Variants in KCNH7 observed in about 807,000 individuals in gnomAD.
The protein encoded by KCNH7 is potassium voltage-gated channel subfamily H member 7, also known as voltage-gated inwardly rectifying potassium channel KCNH7.
KCNH7 carries 49 observed loss-of-function variants against 120.8 expected under a neutral mutation model. That is an observed-to-expected ratio of 0.41 (90% CI 0.32 to 0.51). The LOEUF is 0.51. Ranked by LOEUF, KCNH7 falls within the 20% of genes least tolerant of loss-of-function variation. The pLI is 0.38. For synonymous variants in KCNH7, 547 were observed against 516.1 expected (o/e 1.06, Z -0.81); for missense variants, 1,097 against 1,446.6 (o/e 0.76, Z 3.92).
chr2:162,396,490 C>G (rs551486718), intron 11 of KCNH7, among the ~76,000 whole-genome samples: 1 of 151,724 alleles, frequency 6.6e-6, no homozygotes, highest in African/African-American at 2.4e-5. Flanking sequence ...AAGTGTGGCA[C>G]CTAAGGGCTT....
At chr2:162,712,996 A>G (rs1448298554) in intron 2 of KCNH7, among the ~76,000 whole-genome samples, 1 of 152,150 alleles carries the variant, frequency 6.6e-6, no homozygotes, top group East Asian at 1.9e-4. Context: ...GAGTTCAAAT[A>G]ACTGATTCAG....
chr2:162,707,518 T>C (rs975215311), intron 2 of KCNH7, among the ~76,000 whole-genome samples: 1 of 152,242 alleles, frequency 6.6e-6, no homozygotes, highest in South Asian at 2.1e-4. Flanking sequence ...ATTTGTATAA[T>C]TTAATTATGT....
intron 2 of KCNH7, among the ~76,000 whole-genome samples, chr2:162,656,308 T>C (rs938036100): frequency 2.0e-5 from 3 of 152,158 alleles, no homozygotes; most frequent in Non-Finnish European, 4.4e-5. Flanking sequence ...ACTATATAGA[T>C]CATAAAGTCT....
At chr2:162,821,308 T>C (rs1685113907) in intron 2 of KCNH7, among the ~76,000 whole-genome samples, 1 of 152,230 alleles carries the variant, frequency 6.6e-6, no homozygotes, top group South Asian at 2.1e-4. Flanking sequence ...GTTAATTCTC[T>C]TTACTAAGAA....
At chr2:162,699,590 T>C (rs1208808485) in intron 2 of KCNH7, among the ~76,000 whole-genome samples, 5 of 152,328 alleles carry the variant, frequency 3.3e-5, no homozygotes, top group Admixed American at 3.3e-4. Flanking sequence ...TTACTTCATA[T>C]TGAGCTTCTT....
At chr2:162,570,210 G>T (rs938258139) in intron 2 of KCNH7, among the ~76,000 whole-genome samples, 15 of 149,110 alleles carry the variant, frequency 1.0e-4, no homozygotes, top group African/African-American at 3.7e-4. Context: ...GAATCTAGGT[G>T]CTCCTGTATT....
chr2:162,490,045 G>T (rs749735647), intron 6 of KCNH7, among the ~76,000 whole-genome samples: 1 of 152,218 alleles, frequency 6.6e-6, no homozygotes, highest in African/African-American at 2.4e-5. Flanking sequence ...AGGAGAACAC[G>T]TTAATCATAC....
rs548007570 is a variant in KCNH7 at position 162,775,187 on chromosome 2, T to A, written c.307+61350A>T. ...AGGGAATATTATCTTTTCAAAAAAA[T>A]GAACTAGTTTAGTAAAAAAAAATTA... On this transcript the variant is annotated intron_variant, in intron 2 of 15. Transcript: ENST00000332142. 2.0e-5 allele frequency among the ~76,000 whole-genome samples: 3 copies of A among 152,264 alleles called. No homozygotes were observed. The East Asian group carries it at 5.8e-4, about 29-fold the overall frequency.
At chr2:162,386,598 C>T (rs6708255) in intron 12 of KCNH7, among the ~76,000 whole-genome samples, 12,844 of 151,782 alleles carry the variant, frequency 0.085, 1,761 homozygotes, top group African/African-American at 0.29. Context: ...CCTATTTTCT[C>T]GAAAATGATT....
intron 2 of KCNH7, among the ~76,000 whole-genome samples, chr2:162,603,530 T>G (rs1003612414): frequency 6.6e-6 from 1 of 152,048 alleles, no homozygotes; most frequent in Non-Finnish European, 1.5e-5. Flanking sequence ...TCAAGAAATA[T>G]AACAGAACAG....
rs984545711 is a variant in KCNH7, at chr2:162,445,444, G to T, written c.1554+574C>A. On this transcript the variant is annotated intron_variant, in intron 7 of 15. Coordinates refer to ENST00000332142, the MANE Select transcript of KCNH7 (RefSeq NM_033272.4). Reference sequence around the variant, plus strand: ...TTTGGATCAAAGAGTCTTTTGAGGAGCTGATTAAAGTTCTGGACTCTCTAT... The same window carrying T: ...TTTGGATCAAAGAGTCTTTTGAGGATCTGATTAAAGTTCTGGACTCTCTAT... 6.6e-5 allele frequency among the ~76,000 whole-genome samples: 10 copies of T among 151,854 alleles called. No individual in the cohort carries two copies. The South Asian group carries it at 1.4e-3, about 22-fold the overall frequency.
At chr2:162,806,090 C>G (rs557290224) in intron 2 of KCNH7, among the ~76,000 whole-genome samples, 1 of 151,716 alleles carries the variant, frequency 6.6e-6, no homozygotes, top group Admixed American at 6.6e-5. Flanking sequence ...GGAGGGGGCA[C>G]GGTGGGAGGG....
chr2:162,817,089 C>T (rs1684941174), intron 2 of KCNH7, among the ~76,000 whole-genome samples: 1 of 152,106 alleles, frequency 6.6e-6, no homozygotes, highest in South Asian at 2.1e-4. Flanking sequence ...TGAAAGTTCA[C>T]AGACAGTGAA....
chr2:162,650,788 A>G lies in KCNH7; in HGVS notation c.308-113708T>C, dbSNP rs150830638. Reference sequence around the variant, plus strand: ...AAGGGTTGTGTATGCTTTTGTACTCATTCTCCCATATAATATCTGATACGT... The same window carrying G: ...AAGGGTTGTGTATGCTTTTGTACTCGTTCTCCCATATAATATCTGATACGT... On this transcript the variant is annotated intron_variant, in intron 2 of 15. Coordinates refer to ENST00000332142, the MANE Select transcript of KCNH7 (RefSeq NM_033272.4). Among the ~76,000 whole-genome samples the G allele has an allele frequency of 5.9e-5, 9 of 152,192 alleles. No individual in the cohort carries two copies. In the East Asian group the frequency reaches 1.7e-3, roughly 29 times the overall value.
At chr2:162,509,404 G>A (rs1450844884) in intron 5 of KCNH7, among the ~76,000 whole-genome samples, 2 of 151,406 alleles carry the variant, frequency 1.3e-5, no homozygotes, top group Non-Finnish European at 3.0e-5. Context: ...TAAATCATCA[G>A]GTATTTGTAC....
chr2:162,775,169 A>G (rs1683188526), intron 2 of KCNH7, among the ~76,000 whole-genome samples: 1 of 152,122 alleles, frequency 6.6e-6, no homozygotes. Context: ...ATCAGGGAAT[A>G]TTATCTTTTC....
chr2:162,377,117 G>A (rs1165091634), intron 14 of KCNH7, among the ~76,000 whole-genome samples: 4 of 152,082 alleles, frequency 2.6e-5, no homozygotes, highest in South Asian at 2.1e-4. Context: ...TGGGATTCTC[G>A]CTCTGCAAAG....
intron 2 of KCNH7, among the ~76,000 whole-genome samples, chr2:162,678,754 A>T (rs1251413107): frequency 6.6e-6 from 1 of 151,582 alleles, no homozygotes; most frequent in Admixed American, 6.6e-5. Context: ...ACAGCCCAGG[A>T]ACTCTTTCAA....
intron 9 of KCNH7, among the ~76,000 whole-genome samples, chr2:162,417,294 T>A (rs1270265736): frequency 6.6e-6 from 1 of 152,212 alleles, no homozygotes; most frequent in Non-Finnish European, 1.5e-5. Context: ...GAATCTGTTA[T>A]AACTGAACTT....
Sources: gnomAD v4.1 joint callset for allele counts (sites outside exome capture counted in the v4.1 genomes callset) on GRCh38, gnomAD v4.1.1 for gene constraint, MANE v1.5 for transcripts, NCBI Gene and HGNC (gene_info 2026-07-23, HGNC 2026-07-21) for gene names.